The following CPEB4 variants were observed in gnomAD, a reference collection of about 807,000 sequenced individuals.
CPEB4 encodes cytoplasmic polyadenylation element binding protein 4, also known as cytoplasmic polyadenylation element-binding protein 4.
Under a neutral mutation model 72.5 loss-of-function variants are expected in CPEB4, and 12 were observed. The observed-to-expected ratio is 0.17, with a 90% CI of 0.11 to 0.27. The LOEUF (loss-of-function observed/expected upper bound fraction) is 0.27. CPEB4 is among the 10% of genes least tolerant of loss of function. The pLI, the probability that CPEB4 is intolerant of heterozygous loss-of-function variation, is 1.00. For missense variants in CPEB4, 614 were observed against 908.5 expected, an observed-to-expected ratio of 0.68 and a Z score of 4.17; for synonymous variants, 302 against 326.3, an observed-to-expected ratio of 0.93 and a Z score of 0.80.
chr5:173,933,852 C>T (rs769222501), intron 3 of CPEB4, among the ~76,000 whole-genome samples: 20 of 151,858 alleles, frequency 1.3e-4, no homozygotes, highest in Non-Finnish European at 2.4e-4. Context: ...TGAGGGTTGT[C>T]GAGAAAAATA....
chr5:173,913,626 C>A (rs190834766), intron 2 of CPEB4, among the ~76,000 whole-genome samples: 1 of 152,240 alleles, frequency 6.6e-6, no homozygotes, highest in Admixed American at 6.5e-5. Flanking sequence ...TGCCTTTATT[C>A]TATATTCTCT....
In CPEB4 at chr5:173,951,807, GT is replaced by G. The variant is rs560459660; in HGVS notation, c.1666-14del. ...TCTGTATTGAGAATGAGACATTTTG[GT>G]TTGTACATTCCCTAGGTCCAGATTC... On this transcript the variant is annotated splice_polypyrimidine_tract_variant and intron_variant, in intron 7 of 9. Coordinates refer to ENST00000265085, the MANE Select transcript of CPEB4 (RefSeq NM_030627.4). The G allele has an allele frequency of 1.4e-4, 213 of 1,522,396 alleles. 2 individuals carry two copies. In the South Asian group the frequency reaches 2.2e-3, roughly 16 times the overall value. The allele number at this position is 1,522,396 out of a possible 1,614,324, so 94.3% of individuals were successfully genotyped here. A position where few individuals can be genotyped will look rare whatever the true frequency, so the allele number is the denominator to read the frequency against.
At position 173,944,658 on chromosome 5, in the gene CPEB4, G is replaced by A. The variant is rs79422379; in HGVS notation, c.1283-309G>A. 1.1e-4 allele frequency among the ~76,000 whole-genome samples: 17 copies of A among 152,248 alleles called. No individual in the cohort carries two copies. The East Asian group carries it at 3.1e-3, about 28-fold the overall frequency. On this transcript the variant is annotated intron_variant, in intron 4 of 9. Coordinates refer to ENST00000265085, the MANE Select transcript of CPEB4 (RefSeq NM_030627.4). ...CATGGGGCCCTGCCAAGGGAGTACAGTCTTCTGCCGACTGCTTGTTAAAGT... is the reference window on the plus strand; with the variant it reads ...CATGGGGCCCTGCCAAGGGAGTACAATCTTCTGCCGACTGCTTGTTAAAGT...
intron 5 of CPEB4, among the ~76,000 whole-genome samples, chr5:173,947,728 T>G (rs1381886275): frequency 6.6e-6 from 1 of 152,204 alleles, no homozygotes; most frequent in Non-Finnish European, 1.5e-5. Flanking sequence ...GTGTATTTCT[T>G]TATTTCCTAG....
chr5:173,943,456 TTTTTC>T (rs1284113998), intron 4 of CPEB4, among the ~76,000 whole-genome samples: 1 of 152,148 alleles, frequency 6.6e-6, no homozygotes, highest in Non-Finnish European at 1.5e-5. Flanking sequence ...TATGTCAACT[TTTTTC>T]TTTTCTTTTT....
chr5:173,949,872 T>G, intron 6 of CPEB4, 88 bp from the exon 7 acceptor site: 4 of 915,472 alleles, frequency 4.4e-6, no homozygotes, highest in South Asian at 1.4e-5. Context: ...CCTTTTTCCT[T>G]TCTTTAGTTT....
chr5:173,956,205 C>G lies in CPEB4; in HGVS notation c.*68C>G. ...ACTCTTCTGTTCATTCTGACCCCTT[C>G]CTCAACCTCTTCACGCTGGCATGTC... On this transcript the variant is annotated 3_prime_UTR_variant, in exon 10 of 10. Coordinates refer to ENST00000265085, the MANE Select transcript of CPEB4 (RefSeq NM_030627.4). 2 of 1,237,756 alleles carry G rather than the reference C, an allele frequency of 1.6e-6. No homozygotes were observed. The highest frequency in any genetic ancestry group is 2.4e-6 in the Non-Finnish European group (2 of 844,636). The allele number at this position is 1,237,756 out of a possible 1,614,324, so 76.7% of individuals were successfully genotyped here.
At chr5:173,904,059 T>C (rs189473845) in intron 1 of CPEB4, among the ~76,000 whole-genome samples, 90 of 152,362 alleles carry the variant, frequency 5.9e-4, no homozygotes, top group Non-Finnish European at 1.1e-3. Flanking sequence ...TTAAGCATTG[T>C]GATAAAGTTT....
In CPEB4 at chr5:173,893,178, A is replaced by G. The variant is rs542983903; in HGVS notation, c.1125+2320A>G. ...TCCTAATTGGGTTTTGAAAAAGTCTAAAGAAGTAAGTAAACTGACCACTGT... is the reference window on the plus strand; with the variant it reads ...TCCTAATTGGGTTTTGAAAAAGTCTGAAGAAGTAAGTAAACTGACCACTGT... On this transcript the variant is annotated intron_variant, in intron 1 of 9. Transcript: ENST00000265085. 4 of 152,340 alleles carry G rather than the reference A, an allele frequency of 2.6e-5. No individual in the cohort carries two copies. In the East Asian group the frequency reaches 5.8e-4, roughly 22 times the overall value. 9.4% of individuals were successfully genotyped at this position (152,340 alleles called of 1,614,324 possible).
chr5:173,907,572 GA>G (rs927222559), intron 1 of CPEB4, among the ~76,000 whole-genome samples: 2 of 152,228 alleles, frequency 1.3e-5, no homozygotes, highest in African/African-American at 4.8e-5. Flanking sequence ...GGGAAAGGGG[GA>G]AATATAAAGA....
At position 173,950,190 on chromosome 5, in the gene CPEB4, G is replaced by T; in HGVS notation, c.1665+112G>T. The T allele has an allele frequency of 1.6e-6, 1 of 614,842 alleles. No individual in the cohort carries two copies. 38.1% of individuals were successfully genotyped at this position (614,842 alleles called of 1,614,324 possible). ...TTTGGGGTACTTAATTGACATGTTTGTAAGCAGACTAAGTAGTCTTGTTGT... is the reference window on the plus strand; with the variant it reads ...TTTGGGGTACTTAATTGACATGTTTTTAAGCAGACTAAGTAGTCTTGTTGT... On this transcript the variant is annotated intron_variant, in intron 7 of 9. Transcript: ENST00000265085. This position sits in a 1 kb window ranked among gnomAD's most constrained non-coding sequence, Gnocchi z 5.0.
Position 173,959,462 on chromosome 5 carries a change from T to G in CPEB4, c.*3325T>G, listed in dbSNP as rs1430487521. On this transcript the variant is annotated 3_prime_UTR_variant, in exon 10 of 10. Transcript: ENST00000265085. ...AATTCACCCCTTTTGTTTTGAAGAG[T>G]TGAATCTTCTGTTAAAAGGTGATTT... The G allele has an allele frequency of 1.3e-5, 2 of 152,732 alleles. No homozygotes were observed. The highest frequency in any genetic ancestry group is 2.9e-5 in the Non-Finnish European group (2 of 68,002). The allele number at this position is 152,732 out of a possible 1,614,324, so 9.5% of individuals were successfully genotyped here. A position where few individuals can be genotyped will look rare whatever the true frequency, so the allele number is the denominator to read the frequency against.
chr5:173,920,371 A>G (rs1441026570), intron 2 of CPEB4, among the ~76,000 whole-genome samples: 2 of 152,228 alleles, frequency 1.3e-5, no homozygotes, highest in African/African-American at 4.8e-5. Context: ...AATTCTGAAG[A>G]GCAGCCCTGA....
Position 173,958,644 on chromosome 5 carries a change from T to A in CPEB4, c.*2507T>A, listed in dbSNP as rs1457653837. On this transcript the variant is annotated 3_prime_UTR_variant, in exon 10 of 10. Coordinates refer to ENST00000265085, the MANE Select transcript of CPEB4 (RefSeq NM_030627.4). ...AAATAGTCTATGTAAAGTCACAAAT[T>A]AATGAAAAAAATTCGCATGAAAATG... The A allele has an allele frequency of 6.6e-6, 1 of 152,354 alleles. No homozygotes were observed. Among genetic ancestry groups the A allele is most frequent in the Non-Finnish European group, 1.5e-5 (1 of 67,930 alleles). The allele number at this position is 152,354 out of a possible 1,614,324, so 9.4% of individuals were successfully genotyped here. A position where few individuals can be genotyped will look rare whatever the true frequency, so the allele number is the denominator to read the frequency against.
At position 173,955,758 on chromosome 5, in the gene CPEB4, G is replaced by A. The variant is rs13168379; in HGVS notation, c.1963-152G>A. The A allele has an allele frequency of 0.11, 65,212 of 570,960 alleles. 8,129 individuals are homozygous for A. Among genetic ancestry groups the A allele is most frequent in the East Asian group, 0.5 (17,456 of 34,806 alleles). The allele number at this position is 570,960 out of a possible 1,614,324, so 35.4% of individuals were successfully genotyped here. On this transcript the variant is annotated intron_variant, in intron 9 of 9. Transcript: ENST00000265085. This position sits in a 1 kb window ranked among gnomAD's most constrained non-coding sequence, Gnocchi z 4.7. ...AAGCCTTACTAGGTTCTTAAAAGAT[G>A]AACTATCCATATTTCAGTAAATGAA...
At chr5:173,910,287 G>A (rs902252822) in intron 1 of CPEB4, among the ~76,000 whole-genome samples, 1 of 152,040 alleles carries the variant, frequency 6.6e-6, no homozygotes, top group Admixed American at 6.5e-5. Context: ...CTGAATAAAT[G>A]TGATGCTTTT....
In CPEB4 at chr5:173,888,599, T is replaced by TA. The variant is rs5873396; in HGVS notation, c.-1126dup. ...AACAAAAGCCTTCTAAATTATAGTT[T>TA]AAAAAAAAATTCTGGGGGAAAAGAG... On this transcript the variant is annotated 5_prime_UTR_variant, in exon 1 of 10. Transcript: ENST00000265085. The surrounding 1 kb of genome is among the most constrained non-coding windows in gnomAD (Gnocchi z 4.3). The TA allele has an allele frequency of 1.3e-5, 5 of 398,778 alleles. No individual in the cohort carries two copies. Among genetic ancestry groups the TA allele is most frequent in the Admixed American group, 4.4e-5 (1 of 22,680 alleles). 24.7% of individuals were successfully genotyped at this position (398,778 alleles called of 1,614,324 possible).
intron 3 of CPEB4, 57 bp downstream of exon 3, chr5:173,932,557 C>A: frequency 7.6e-7 from 1 of 1,307,428 alleles, no homozygotes; most frequent in Non-Finnish European, 1.1e-6. Flanking sequence ...AGTAGTTGTG[C>A]TTCAGCAGTG....
chr5:173,924,830 A>G (rs1320930686), intron 2 of CPEB4, among the ~76,000 whole-genome samples: 1 of 152,192 alleles, frequency 6.6e-6, no homozygotes, highest in Non-Finnish European at 1.5e-5. Context: ...TTTATTGAGC[A>G]CCTTTCTCTG....
Sources: allele counts gnomAD v4.1 joint callset (sites outside exome capture counted in the v4.1 genomes callset), GRCh38; gene constraint gnomAD v4.1.1; non-coding constraint Gnocchi (gnomAD v3.1); transcripts MANE v1.5; gene names NCBI Gene and HGNC (gene_info 2026-07-23, HGNC 2026-07-21).